The following CDC14B variants were observed in gnomAD, a reference collection of about 807,000 sequenced individuals.
CDC14B encodes cell division cycle 14B, also known as dual specificity protein phosphatase CDC14B.
CDC14B carries 22 observed loss-of-function variants against 64.2 expected under a neutral mutation model. The ratio of observed to expected loss-of-function variants is 0.34; its 90% CI spans 0.24 to 0.49. The LOEUF is 0.49. CDC14B is among the 20% of genes least tolerant of loss of function. The pLI is 0.99. For missense variants in CDC14B, 498 were observed against 629.9 expected, an observed-to-expected ratio of 0.79 and a Z score of 2.24; for synonymous variants, 191 against 215.8, an observed-to-expected ratio of 0.89 and a Z score of 1.01.
At chr9:96,616,281 G>A (rs1847618478) in intron 1 of CDC14B, among the ~76,000 whole-genome samples, 1 of 151,848 alleles carries the variant, frequency 6.6e-6, no homozygotes, top group South Asian at 2.1e-4. Flanking sequence ...AGCCGAGATA[G>A]CTCCACCGCA....
chr9:96,590,362 C>T (rs971093565), intron 1 of CDC14B, among the ~76,000 whole-genome samples: 7 of 152,164 alleles, frequency 4.6e-5, no homozygotes, highest in African/African-American at 7.2e-5. Context: ...CTGTTAGATA[C>T]ATACCAGATT....
intron 1 of CDC14B, among the ~76,000 whole-genome samples, chr9:96,590,099 C>T (rs1341388713): frequency 6.6e-6 from 1 of 152,068 alleles, no homozygotes; most frequent in Admixed American, 6.6e-5. Context: ...AGTTTTTCAC[C>T]GTGCTAAACT....
At chr9:96,611,545 A>G (rs886532007) in intron 1 of CDC14B, among the ~76,000 whole-genome samples, 4 of 152,224 alleles carry the variant, frequency 2.6e-5, no homozygotes, top group African/African-American at 9.6e-5. Flanking sequence ...CTTAGGTTAT[A>G]CAAATATTCA....
At chr9:96,538,579 G>A (rs1305366871) in intron 7 of CDC14B, 1 of 152,354 alleles carries the variant, frequency 6.6e-6, no homozygotes, top group African/African-American at 2.4e-5. Context: ...TAAAAAATTA[G>A]CCTGGCATGG....
chr9:96,606,995 C>T (rs2118943632), intron 1 of CDC14B, among the ~76,000 whole-genome samples: 1 of 151,432 alleles, frequency 6.6e-6, no homozygotes, highest in East Asian at 1.9e-4. Flanking sequence ...TCACTGCATT[C>T]CAGCTTGGCC....
chr9:96,576,523 C>T (rs1265429869), intron 1 of CDC14B, among the ~76,000 whole-genome samples: 2 of 148,854 alleles, frequency 1.3e-5, no homozygotes, highest in Admixed American at 6.8e-5. Flanking sequence ...ATCCCAGATA[C>T]TCAGGAAGCT....
chr9:96,506,597 TC>T (rs1834162594), intron 13 of CDC14B, among the ~76,000 whole-genome samples: 3 of 152,312 alleles, frequency 2.0e-5, no homozygotes, highest in Admixed American at 2.0e-4. Context: ...TCTCTGAAAG[TC>T]CATTTTGGAA....
intron 12 of CDC14B, among the ~76,000 whole-genome samples, chr9:96,517,831 G>GTT (rs893654975): frequency 7.0e-6 from 1 of 143,756 alleles, no homozygotes; most frequent in Non-Finnish European, 1.5e-5. Context: ...ACCATGCCCA[G>GTT]TTTTTTTTTT....
At chr9:96,587,732 G>A (rs1309504362) in intron 1 of CDC14B, among the ~76,000 whole-genome samples, 2 of 152,182 alleles carry the variant, frequency 1.3e-5, no homozygotes, top group African/African-American at 2.4e-5. Context: ...CCAAGGAAGA[G>A]TAAGTAGCCT....
chr9:96,517,166 C>G (rs534511631), intron 12 of CDC14B, among the ~76,000 whole-genome samples: 3 of 150,362 alleles, frequency 2.0e-5, no homozygotes, highest in African/African-American at 4.9e-5. Context: ...ATGGTGAAAC[C>G]CCGTCTCTAC....
chr9:96,593,010 A>T (rs1845872392), intron 1 of CDC14B, among the ~76,000 whole-genome samples: 1 of 152,218 alleles, frequency 6.6e-6, no homozygotes, highest in Non-Finnish European at 1.5e-5. Flanking sequence ...AAATAAAATT[A>T]AAATGTTTGC....
chr9:96,544,538 AG>A (rs1840533856), intron 5 of CDC14B, among the ~76,000 whole-genome samples: 1 of 152,166 alleles, frequency 6.6e-6, no homozygotes, highest in Non-Finnish European at 1.5e-5. Flanking sequence ...TATGTTGCCC[AG>A]GCTGGAGTGC....
exon 14 of CDC14B, chr9:96,491,840 C>T (rs565976319): frequency 6.6e-6 from 1 of 152,356 alleles, no homozygotes; most frequent in South Asian, 2.1e-4. Flanking sequence ...CGTTCTGAAC[C>T]TGTAATGGGC....
chr9:96,512,941 T>C (rs567877595), intron 12 of CDC14B, among the ~76,000 whole-genome samples: 7 of 151,650 alleles, frequency 4.6e-5, no homozygotes, highest in Non-Finnish European at 4.4e-5. Flanking sequence ...ATAATTAATC[T>C]GAGAAAAAAA....
intron 1 of CDC14B, among the ~76,000 whole-genome samples, chr9:96,581,492 T>TAATTAAATTAATTAAATTAATTA (rs57208687): frequency 2.7e-5 from 4 of 150,736 alleles, no homozygotes; most frequent in African/African-American, 9.8e-5. Context: ...TTAATTAAAT[T>TAATTAAATTAATTAAATTAATTA]AATTAAATTT....
chr9:96,519,059 C>T (rs1191699009), intron 12 of CDC14B, among the ~76,000 whole-genome samples: 2 of 151,934 alleles, frequency 1.3e-5, no homozygotes, highest in African/African-American at 4.8e-5. Flanking sequence ...TGGCATGATC[C>T]CAGGAGGCGG....
intron 1 of CDC14B, among the ~76,000 whole-genome samples, chr9:96,589,821 C>T (rs764757151): frequency 1.3e-5 from 2 of 151,846 alleles, no homozygotes; most frequent in Admixed American, 1.3e-4. Flanking sequence ...ATTAGGCAGG[C>T]GTGGTGGCGG....
At chr9:96,606,053 C>A (rs1306042987) in intron 1 of CDC14B, among the ~76,000 whole-genome samples, 1 of 150,848 alleles carries the variant, frequency 6.6e-6, no homozygotes, top group African/African-American at 2.4e-5. Flanking sequence ...ATATTTGCTG[C>A]CCGGGAATGG....
At chr9:96,497,835 C>G (rs538054132), downstream of CDC14B, among the ~76,000 whole-genome samples, 6 of 152,246 alleles carry the variant, frequency 3.9e-5, no homozygotes, top group Non-Finnish European at 8.8e-5. Flanking sequence ...TTTAGGGAGC[C>G]TAAGTCACTT....
Sources: allele counts gnomAD v4.1 joint callset (sites outside exome capture counted in the v4.1 genomes callset), GRCh38; gene constraint gnomAD v4.1.1; transcripts MANE v1.5; gene names NCBI Gene and HGNC (gene_info 2026-07-23, HGNC 2026-07-21).